Variants in FRAS1 observed in about 807,000 individuals in gnomAD.
FRAS1 encodes the protein Fraser extracellular matrix complex subunit 1.
A neutral mutation model predicts 435.2 loss-of-function variants in FRAS1; 290 were observed. That is an observed-to-expected ratio of 0.67 (90% CI 0.61 to 0.73). The LOEUF (loss-of-function observed/expected upper bound fraction) is 0.73, where lower values mean the gene tolerates loss of function less well. Ranked by LOEUF, FRAS1 falls within the 30% of genes least tolerant of loss-of-function variation. The pLI is 0.00. For missense variants in FRAS1, 4,860 were observed against 5,001.5 expected (o/e 0.97, Z 0.85); for synonymous variants, 1,800 against 1,851.0 (o/e 0.97, Z 0.71).
In FRAS1 at chr4:78,344,586, A is replaced by AT. The variant is rs112149675; in HGVS notation, c.2422+6782dup. On this transcript the variant is annotated intron_variant, in intron 20 of 73. Coordinates refer to ENST00000512123, the MANE Select transcript of FRAS1 (RefSeq NM_025074.7). The stretch of plus-strand genomic sequence containing the variant: ...TGCACACAATCGGGGCTCAAGAATG[A>AT]TTTTTTTTTTTTTGGTTGGTGAATT... Among the ~76,000 whole-genome samples, 334 of 141,692 alleles carry AT rather than the reference A, an allele frequency of 2.4e-3. 2 individuals carry two copies. Among genetic ancestry groups the AT allele is most frequent in the African/African-American group, 3.2e-3 (123 of 37,930 alleles). 93.0% of individuals were successfully genotyped at this position (141,692 alleles called of 152,430 possible).
At chr4:78,163,959 C>A (rs143231560) in intron 2 of FRAS1, among the ~76,000 whole-genome samples, 1 of 152,176 alleles carries the variant, frequency 6.6e-6, no homozygotes, top group Non-Finnish European at 1.5e-5. Flanking sequence ...GCTTGTCCAA[C>A]CTCCCATGCC....
At chr4:78,489,968 C>CAAAAAAAAAAA (rs61568957) in intron 59 of FRAS1, among the ~76,000 whole-genome samples, 1,013 of 91,748 alleles carry the variant, frequency 0.011, 16 homozygotes, top group Middle Eastern at 0.026. Flanking sequence ...TAGTGGAAAA[C>CAAAAAAAAAAA]AAAAAAAAAA....
At position 78,112,832 on chromosome 4, in the gene FRAS1, A is replaced by AT. The variant is rs199737971; in HGVS notation, c.108+46823dup. Among the ~76,000 whole-genome samples the AT allele has an allele frequency of 8.4e-4, 127 of 150,958 alleles. 2 individuals carry two copies. The highest frequency in any genetic ancestry group is 7.1e-3 in the Admixed American group (108 of 15,154). Reference sequence around the variant, plus strand: ...TACTTTATTATTTATTTATTTATTCATTTTTTTATTATACTTTAAGTTTTA... The same window carrying AT: ...TACTTTATTATTTATTTATTTATTCATTTTTTTTATTATACTTTAAGTTTTA... On this transcript the variant is annotated intron_variant, in intron 2 of 73. Coordinates refer to ENST00000512123, the MANE Select transcript of FRAS1 (RefSeq NM_025074.7).
chr4:78,503,794 T>A (rs1720749733), intron 61 of FRAS1, among the ~76,000 whole-genome samples: 1 of 152,242 alleles, frequency 6.6e-6, no homozygotes, highest in African/African-American at 2.4e-5. Context: ...CTAATCCTTT[T>A]AACTGTGATG....
At chr4:78,476,237 C>G (rs1383284889) in intron 54 of FRAS1, among the ~76,000 whole-genome samples, 1 of 152,108 alleles carries the variant, frequency 6.6e-6, no homozygotes, top group Non-Finnish European at 1.5e-5. Context: ...TTAGAAAGAG[C>G]AGGTTGACCA....
At chr4:78,087,652 T>G (rs1390492716) in intron 2 of FRAS1, among the ~76,000 whole-genome samples, 1 of 152,056 alleles carries the variant, frequency 6.6e-6, no homozygotes, top group African/African-American at 2.4e-5. Context: ...GAGAGCCAAA[T>G]CATGAGTAAA....
Position 78,057,951 on chromosome 4 carries a change from C to G in FRAS1, c.-59C>G. 6.5e-7 allele frequency: 1 copy of G among 1,546,380 alleles called. No individual in the cohort carries two copies. ...CCAAGCGCCGGAGCCAGCGTTTTGGCGGAGCCGCTTCTTGGATGCTGAAGG... is the reference window on the plus strand; with the variant it reads ...CCAAGCGCCGGAGCCAGCGTTTTGGGGGAGCCGCTTCTTGGATGCTGAAGG... On this transcript the variant is annotated 5_prime_UTR_variant, in exon 1 of 74. Transcript: ENST00000512123. The surrounding 1 kb of genome is among the most constrained non-coding windows in gnomAD (Gnocchi z 4.2).
At chr4:78,418,820 C>G (rs1490025595) in intron 32 of FRAS1, 129 bp from the exon 33 acceptor site, 2 of 574,132 alleles carry the variant, frequency 3.5e-6, no homozygotes, top group East Asian at 6.1e-5. Flanking sequence ...TTTGAACTCT[C>G]GAAAATTTGA....
intron 9 of FRAS1, among the ~76,000 whole-genome samples, chr4:78,273,948 C>CT (rs1300295767): frequency 6.6e-6 from 1 of 152,196 alleles, no homozygotes; most frequent in Non-Finnish European, 1.5e-5. Context: ...TGGTCCTGGA[C>CT]TTTTTTTGGT....
chr4:78,283,985 A>G (rs755469094), intron 12 of FRAS1, among the ~76,000 whole-genome samples: 3 of 152,260 alleles, frequency 2.0e-5, no homozygotes, highest in South Asian at 2.1e-4. Flanking sequence ...AAAAATAACT[A>G]TTTTTCAACA....
chr4:78,203,575 T>C (rs1053160031), intron 2 of FRAS1, among the ~76,000 whole-genome samples: 4 of 152,108 alleles, frequency 2.6e-5, no homozygotes, highest in Non-Finnish European at 5.9e-5. Context: ...TTTTATTTTA[T>C]TTTATTTTTA....
intron 59 of FRAS1, among the ~76,000 whole-genome samples, chr4:78,493,644 G>A (rs1020762725): frequency 4.6e-5 from 7 of 152,026 alleles, no homozygotes; most frequent in Non-Finnish European, 7.4e-5. Context: ...ATCACACACC[G>A]GGGCCTGTCT....
At chr4:78,163,434 C>T (rs1721218125) in intron 2 of FRAS1, among the ~76,000 whole-genome samples, 1 of 152,052 alleles carries the variant, frequency 6.6e-6, no homozygotes. Flanking sequence ...TTCTCGGGAC[C>T]AGTTAATTGA....
At chr4:78,504,250 A>G (rs1410221267) in intron 61 of FRAS1, among the ~76,000 whole-genome samples, 2 of 152,348 alleles carry the variant, frequency 1.3e-5, no homozygotes, top group Non-Finnish European at 1.5e-5. Context: ...TGCAGAGCTA[A>G]GTTCAAGTCC....
chr4:78,544,062 C>T lies in FRAS1; in HGVS notation c.*2938C>T, dbSNP rs1469789850. ...TTTGCACAGTCTTATGATATTCAGT[C>T]TCAGTCTGCTATAGGTATTTGTTAT... On this transcript the variant is annotated 3_prime_UTR_variant, in exon 74 of 74. Transcript: ENST00000512123. The T allele has an allele frequency of 6.6e-6, 1 of 152,642 alleles. No homozygotes were observed. The highest frequency in any genetic ancestry group is 1.5e-5 in the Non-Finnish European group (1 of 68,048). The allele number at this position is 152,642 out of a possible 1,614,324, so 9.5% of individuals were successfully genotyped here.
chr4:78,347,606 A>T (rs1730653515), intron 20 of FRAS1, among the ~76,000 whole-genome samples: 1 of 152,122 alleles, frequency 6.6e-6, no homozygotes, highest in African/African-American at 2.4e-5. Flanking sequence ...CTGTGCTGTT[A>T]CATGCTCTTC....
intron 2 of FRAS1, among the ~76,000 whole-genome samples, chr4:78,138,111 G>A (rs1208281836): frequency 6.6e-6 from 1 of 152,164 alleles, no homozygotes; most frequent in South Asian, 2.1e-4. Flanking sequence ...CAGGCCGAAG[G>A]GTGGGTCTGC....
At chr4:78,375,010 T>A (rs547656582) in intron 25 of FRAS1, among the ~76,000 whole-genome samples, 17 of 152,274 alleles carry the variant, frequency 1.1e-4, no homozygotes, top group Admixed American at 9.2e-4. Flanking sequence ...AAGCCCAGGT[T>A]TTCTGATTCT....
rs565968803 is a variant in FRAS1, at chr4:78,442,049, G to A, written c.5665+752G>A. Among the ~76,000 whole-genome samples, 7 of 152,358 alleles carry A rather than the reference G, an allele frequency of 4.6e-5. No homozygotes were observed. In the East Asian group the frequency reaches 9.6e-4, roughly 21 times the overall value. ...ACCAGCACTGGGCTCTAATTGGTGT[G>A]CAGCTAGCAGCTCCCATGGAGAGTC... On this transcript the variant is annotated intron_variant, in intron 41 of 73. Transcript: ENST00000512123.
Sources: allele counts gnomAD v4.1 joint callset (sites outside exome capture counted in the v4.1 genomes callset), GRCh38; gene constraint gnomAD v4.1.1; non-coding constraint Gnocchi (gnomAD v3.1); transcripts MANE v1.5; gene names NCBI Gene and HGNC (gene_info 2026-07-23, HGNC 2026-07-21).